The following RFX3 variants were observed in gnomAD, a reference collection of about 807,000 sequenced individuals.
The protein encoded by RFX3 is transcription factor RFX3.
In RFX3, 14 loss-of-function variants were observed where a neutral mutation model predicts 98.6. The observed-to-expected ratio is 0.14, with a 90% CI of 0.09 to 0.22. RFX3 has a LOEUF of 0.22. Ranked by LOEUF, RFX3 falls within the 10% of genes least tolerant of loss-of-function variation. The pLI is 1.00. For synonymous variants in RFX3, 383 were observed against 328.4 expected, an observed-to-expected ratio of 1.17 and a Z score of -1.80; for missense variants, 639 against 926.9, an observed-to-expected ratio of 0.69 and a Z score of 4.03.
chr9:3,377,323 T>C (rs1838655424), intron 2 of RFX3, among the ~76,000 whole-genome samples: 1 of 152,090 alleles, frequency 6.6e-6, no homozygotes, highest in Non-Finnish European at 1.5e-5. Flanking sequence ...AAACCATCAT[T>C]CTCAGCAAAC....
At chr9:3,370,556 A>C (rs1837726022) in intron 2 of RFX3, among the ~76,000 whole-genome samples, 1 of 151,788 alleles carries the variant, frequency 6.6e-6, no homozygotes, top group Non-Finnish European at 1.5e-5. Context: ...AGGGATGGGG[A>C]GGGTAGAGAT....
At chr9:3,371,519 AATG>A (rs1157251087) in intron 2 of RFX3, among the ~76,000 whole-genome samples, 1 of 152,162 alleles carries the variant, frequency 6.6e-6, no homozygotes, top group African/African-American at 2.4e-5. Flanking sequence ...TTACTATTCA[AATG>A]ATGATAATTA....
At chr9:3,464,757 G>A (rs1353898855) in intron 1 of RFX3, among the ~76,000 whole-genome samples, 2 of 152,114 alleles carry the variant, frequency 1.3e-5, no homozygotes, top group Non-Finnish European at 2.9e-5. Flanking sequence ...GAATTACACA[G>A]TAAGTAAATT....
chr9:3,442,692 C>G (rs1027160354), intron 1 of RFX3, among the ~76,000 whole-genome samples: 3 of 152,164 alleles, frequency 2.0e-5, no homozygotes, highest in Non-Finnish European at 2.9e-5. Context: ...AACCTCTGTA[C>G]TACCTCTGCA....
Position 3,410,939 on chromosome 9 carries a change from A to G in RFX3, c.-8-15343T>C, listed in dbSNP as rs569108336. ...AAAAGCAGTATTTCTGTAATATATT[A>G]AAGCAAGGTAGAAGCAAACACCTCC... On this transcript the variant is annotated intron_variant, in intron 1 of 16. Transcript: ENST00000617270. Among the ~76,000 whole-genome samples the G allele has an allele frequency of 4.1e-4, 63 of 152,304 alleles. 1 individual carries two copies. The highest frequency in any genetic ancestry group is 6.8e-3 in the Middle Eastern group (2 of 294).
In RFX3 at chr9:3,525,790, T is replaced by G; in HGVS notation, c.-52A>C. Reference sequence around the variant, plus strand: ...TGGTGTTGTTGGTGGGTGATGGAGATGGTGGTGGTGGGGAGGAGGAGGAGG... The same window carrying G: ...TGGTGTTGTTGGTGGGTGATGGAGAGGGTGGTGGTGGGGAGGAGGAGGAGG... On this transcript the variant is annotated 5_prime_UTR_variant, in exon 1 of 17. Coordinates refer to ENST00000617270, the MANE Select transcript of RFX3 (RefSeq NM_001282116.2). The G allele has an allele frequency of 1.9e-6, 1 of 534,020 alleles. No homozygotes were observed. Among genetic ancestry groups the G allele is most frequent in the Non-Finnish European group, 2.4e-6 (1 of 418,466 alleles). 33.1% of individuals were successfully genotyped at this position (534,020 alleles called of 1,614,324 possible).
chr9:3,235,303 C>T (rs72697070), intron 15 of RFX3, among the ~76,000 whole-genome samples: 7 of 151,914 alleles, frequency 4.6e-5, no homozygotes, highest in African/African-American at 1.7e-4. Flanking sequence ...CGGCTTTCAG[C>T]GTGGGTCATC....
intron 5 of RFX3, among the ~76,000 whole-genome samples, chr9:3,300,618 A>G (rs904852227): frequency 2.0e-5 from 3 of 152,000 alleles, no homozygotes; most frequent in African/African-American, 7.2e-5. Context: ...AGAAATAAGA[A>G]GTCATAATAC....
At position 3,487,642 on chromosome 9, in the gene RFX3, C is replaced by A. The variant is rs188408314; in HGVS notation, c.-9+38105G>T. Among the ~76,000 whole-genome samples, 16 of 152,230 alleles carry A rather than the reference C, an allele frequency of 1.1e-4. No homozygotes were observed. In the East Asian group the frequency reaches 2.9e-3, roughly 28 times the overall value. The stretch of plus-strand genomic sequence containing the variant: ...ACTACTCTAATTTACAGTCCTTCCA[C>A]CTAGAAAAGCAATATAGAGAGCAGC... On this transcript the variant is annotated intron_variant, in intron 1 of 16. Transcript: ENST00000617270.
intron 14 of RFX3, among the ~76,000 whole-genome samples, chr9:3,248,440 T>A (rs974784978): frequency 6.6e-6 from 1 of 152,220 alleles, no homozygotes. Flanking sequence ...TCTACTATCA[T>A]GGGCAAGTCT....
intron 5 of RFX3, among the ~76,000 whole-genome samples, chr9:3,296,832 G>A (rs1054087570): frequency 1.3e-5 from 2 of 152,036 alleles, no homozygotes; most frequent in African/African-American, 2.4e-5. Flanking sequence ...CCCACCTCGG[G>A]CTAGATCGCC....
chr9:3,297,985 T>A (rs1249265910), intron 5 of RFX3, among the ~76,000 whole-genome samples: 1 of 151,712 alleles, frequency 6.6e-6, no homozygotes, highest in African/African-American at 2.4e-5. Context: ...CAAGAAAAAG[T>A]ATAAAATAAT....
At chr9:3,366,016 G>A (rs1213911606) in intron 2 of RFX3, among the ~76,000 whole-genome samples, 1 of 151,974 alleles carries the variant, frequency 6.6e-6, no homozygotes, top group Non-Finnish European at 1.5e-5. Context: ...TGCTCCACAC[G>A]CTCACTTGGG....
intron 1 of RFX3, chr9:3,488,716 A>G: frequency 1.1e-6 from 1 of 893,854 alleles, no homozygotes; most frequent in African/African-American, 1.8e-5. Context: ...TCAACCTTAT[A>G]TCCATAAAAT....
chr9:3,327,536 T>C (rs1472775594), intron 4 of RFX3, among the ~76,000 whole-genome samples: 1 of 152,126 alleles, frequency 6.6e-6, no homozygotes, highest in Non-Finnish European at 1.5e-5. Flanking sequence ...CACTTTGTGA[T>C]TTTTCCATAC....
At chr9:3,410,527 T>C (rs951119401) in intron 1 of RFX3, among the ~76,000 whole-genome samples, 1 of 152,028 alleles carries the variant, frequency 6.6e-6, no homozygotes, top group Non-Finnish European at 1.5e-5. Flanking sequence ...GCAACCAAAA[T>C]AAACAGGGAA....
At chr9:3,326,234 A>G (rs1199322889) in intron 4 of RFX3, among the ~76,000 whole-genome samples, 1 of 152,150 alleles carries the variant, frequency 6.6e-6, no homozygotes, top group Non-Finnish European at 1.5e-5. Context: ...ATCAAAGGAG[A>G]AATAGTATTT....
chr9:3,496,787 C>G (rs577633026), intron 1 of RFX3, among the ~76,000 whole-genome samples: 1 of 151,912 alleles, frequency 6.6e-6, no homozygotes, highest in African/African-American at 2.4e-5. Flanking sequence ...CACATTTTTC[C>G]CTAACAATTT....
chr9:3,483,967 C>A (rs1850033360), intron 1 of RFX3, among the ~76,000 whole-genome samples: 1 of 152,156 alleles, frequency 6.6e-6, no homozygotes, highest in African/African-American at 2.4e-5. Flanking sequence ...TATTACACAA[C>A]TCAAAATTTT....
Sources: gnomAD v4.1 joint callset for allele counts (sites outside exome capture counted in the v4.1 genomes callset) on GRCh38, gnomAD v4.1.1 for gene constraint, MANE v1.5 for transcripts, NCBI Gene and HGNC (gene_info 2026-07-23, HGNC 2026-07-21) for gene names.